The following PCDH11X variants were observed in gnomAD, a reference collection of about 807,000 sequenced individuals.
PCDH11X encodes protocadherin-11 X-linked.
In PCDH11X, 18 loss-of-function variants were observed where a neutral mutation model predicts 53.3. The observed-to-expected ratio is 0.34, with a 90% CI of 0.23 to 0.50. PCDH11X has a LOEUF of 0.50. Among genes scored for constraint, PCDH11X ranks in the 20% least tolerant of loss-of-function variants. PCDH11X has a pLI of 0.98. For synonymous variants in PCDH11X, 279 were observed against 393.3 expected, an observed-to-expected ratio of 0.71 and a Z score of 3.44; for missense variants, 570 against 1,032.4, an observed-to-expected ratio of 0.55 and a Z score of 6.14.
intron 10 of PCDH11X, among the ~76,000 whole-genome samples, chrX:92,489,582 C>G (rs2073716945): frequency 1.9e-5 from 2 of 107,258 alleles, no homozygotes; most frequent in East Asian, 5.9e-4. Flanking sequence ...TTTTTTTTTC[C>G]CCTTCAGATC....
chrX:92,368,470 TACCTAC>T (rs972991488), intron 8 of PCDH11X, among the ~76,000 whole-genome samples: 11 of 111,844 alleles, frequency 9.8e-5, no homozygotes, highest in Non-Finnish European at 2.1e-4. Context: ...AGTTTGCTGT[TACCTAC>T]CTTCCGAAAC....
At chrX:91,972,538 A>G (rs1412872063) in intron 6 of PCDH11X, among the ~76,000 whole-genome samples, 2 of 110,049 alleles carry the variant, frequency 1.8e-5, no homozygotes, top group Non-Finnish European at 3.8e-5. Context: ...CTACATCCTG[A>G]ATGGTAATGC....
intron 6 of PCDH11X, among the ~76,000 whole-genome samples, chrX:92,163,095 C>T (rs1233562076): frequency 1.9e-5 from 2 of 104,391 alleles, no homozygotes; most frequent in East Asian, 3.1e-4. Flanking sequence ...CTGTGTCATG[C>T]AGTTTGTCAG....
chrX:91,865,570 G>T (rs927843896), intron 5 of PCDH11X, among the ~76,000 whole-genome samples: 1 of 111,861 alleles, frequency 8.9e-6, no homozygotes, highest in Non-Finnish European at 1.9e-5. Flanking sequence ...CCAGGTCTAT[G>T]TCTTTCATTT....
chrX:92,519,606 C>A (rs768355605), intron 10 of PCDH11X, among the ~76,000 whole-genome samples: 1 of 110,337 alleles, frequency 9.1e-6, no homozygotes, highest in Admixed American at 9.7e-5. Context: ...ATCATAGTGA[C>A]GTCGTATTCT....
chrX:92,334,696 G>A (rs931991264), intron 8 of PCDH11X, among the ~76,000 whole-genome samples: 9 of 111,279 alleles, frequency 8.1e-5, no homozygotes, highest in Middle Eastern at 4.6e-3. Flanking sequence ...TGCATTGCCC[G>A]CCATTTCATA....
At chrX:92,347,083 C>A (rs1019202862) in intron 8 of PCDH11X, among the ~76,000 whole-genome samples, 16 of 111,334 alleles carry the variant, frequency 1.4e-4, no homozygotes, top group Non-Finnish European at 2.8e-4. Context: ...GCTTAAAATT[C>A]TTTTATAACC....
rs188858470 is a variant in PCDH11X, at chrX:92,102,993, C to T, written c.3034-98382C>T. Among the ~76,000 whole-genome samples the T allele has an allele frequency of 4.7e-4, 52 of 110,757 alleles. No individual in the cohort carries two copies. The Middle Eastern group carries it at 0.014, about 30-fold the overall frequency. On this transcript the variant is annotated intron_variant, in intron 6 of 10. Coordinates refer to ENST00000682573, the MANE Select transcript of PCDH11X (RefSeq NM_032968.5). Reference sequence around the variant, plus strand: ...AGCGTGCTGTGGGATGGGATATTGCCGTTGAGCGGGGTAAGGGTGATTAGG... The same window carrying T: ...AGCGTGCTGTGGGATGGGATATTGCTGTTGAGCGGGGTAAGGGTGATTAGG...
At chrX:92,457,263 C>G (rs2072925914) in intron 9 of PCDH11X, among the ~76,000 whole-genome samples, 1 of 109,708 alleles carries the variant, frequency 9.1e-6, no homozygotes. Flanking sequence ...CCTCCTTTCC[C>G]CATGTGTTAC....
At chrX:92,310,562 T>C (rs933584688) in intron 8 of PCDH11X, among the ~76,000 whole-genome samples, 2 of 110,689 alleles carry the variant, frequency 1.8e-5, no homozygotes, top group African/African-American at 3.3e-5. Context: ...CTAATTTTTA[T>C]ATTTTTAGTA....
At chrX:92,049,668 A>T (rs1184558601) in intron 6 of PCDH11X, among the ~76,000 whole-genome samples, 1 of 112,191 alleles carries the variant, frequency 8.9e-6, no homozygotes, top group Non-Finnish European at 1.9e-5. Flanking sequence ...TAAATATTTT[A>T]TACTAAGGTA....
intron 4 of PCDH11X, among the ~76,000 whole-genome samples, chrX:91,832,452 T>A (rs1180638943): frequency 3.4e-5 from 3 of 88,296 alleles, no homozygotes; most frequent in Non-Finnish European, 6.4e-5. Context: ...ATGAGAACAC[T>A]TGGACACAGG....
In PCDH11X at chrX:92,535,163, C is replaced by T. The variant is rs1377392708; in HGVS notation, c.3367+66841C>T. Among the ~76,000 whole-genome samples, 3 of 112,026 alleles carry T rather than the reference C, an allele frequency of 2.7e-5. No homozygotes were observed. In the Admixed American group the frequency reaches 2.8e-4, roughly 11 times the overall value. The stretch of plus-strand genomic sequence containing the variant: ...GAACTATCATTCAACCTAGCAATTC[C>T]AGTACTGGGTATATACCCAAAGGAA... On this transcript the variant is annotated intron_variant, in intron 10 of 10. Transcript: ENST00000682573.
Position 91,846,736 on chromosome X carries a change from A to G in PCDH11X, c.540+10692A>G, listed in dbSNP as rs1159703465. 3.6e-5 allele frequency among the ~76,000 whole-genome samples: 4 copies of G among 111,685 alleles called. No homozygotes were observed. The South Asian group carries it at 1.5e-3, about 42-fold the overall frequency. ...TTTCCTTAAATTTGTGATTATTTCA[A>G]TGAGTTAGTGATAGTTTATTCACCC... On this transcript the variant is annotated intron_variant, in intron 5 of 10. Transcript: ENST00000682573.
intron 6 of PCDH11X, among the ~76,000 whole-genome samples, chrX:92,119,036 C>T (rs376193626): frequency 7.2e-4 from 78 of 108,911 alleles, no homozygotes; most frequent in African/African-American, 2.5e-3. Flanking sequence ...CCACTGCGCC[C>T]GGCCAATATA....
At chrX:92,457,146 A>C in intron 9 of PCDH11X, among the ~76,000 whole-genome samples, 1 of 111,028 alleles carries the variant, frequency 9.0e-6, no homozygotes, top group Middle Eastern at 4.7e-3. Flanking sequence ...CAAATTTTCT[A>C]ATACATTTAT....
chrX:91,878,763 C>T lies in PCDH11X; in HGVS notation c.2523C>T (p.His841=). The T allele has an allele frequency of 1.7e-6, 2 of 1,210,868 alleles. No homozygotes were observed. Among genetic ancestry groups the T allele is most frequent in the South Asian group, 3.5e-5 (2 of 56,901 alleles). ...TAGTAAGATGTCGCCAGGCACCACA[C>T]CTTAAGGCTGCTCAGAAAAACAAGC... ...TAVVRCRQAP[H]LKAAQKNKQN... The change falls in exon 6 of 11, where the codon CAC becomes CAT. Residue 841 remains histidine (H), a synonymous_variant. Coordinates refer to ENST00000682573, the MANE Select transcript of PCDH11X (RefSeq NM_032968.5).
At chrX:91,973,611 A>G (rs2147913410) in intron 6 of PCDH11X, among the ~76,000 whole-genome samples, 1 of 98,705 alleles carries the variant, frequency 1.0e-5, no homozygotes, top group African/African-American at 3.8e-5. Context: ...AAGTATATAC[A>G]ACTTTTTTTT....
chrX:91,864,053 C>G (rs1938833206), intron 5 of PCDH11X, among the ~76,000 whole-genome samples: 2 of 111,145 alleles, frequency 1.8e-5, no homozygotes, highest in Non-Finnish European at 3.8e-5. Context: ...TTATAATATT[C>G]TATGTTTTTC....
Sources: allele counts gnomAD v4.1 joint callset (sites outside exome capture counted in the v4.1 genomes callset), GRCh38; gene constraint gnomAD v4.1.1; transcripts MANE v1.5; gene names NCBI Gene and HGNC (gene_info 2026-07-23, HGNC 2026-07-21).